The following GBP6 variants were observed in gnomAD, a reference collection of about 807,000 sequenced individuals.
The protein encoded by GBP6 is guanylate-binding protein 6.
Under a neutral mutation model 61.5 loss-of-function variants are expected in GBP6, and 54 were observed. The observed-to-expected ratio is 0.88, with a 90% CI of 0.71 to 1.10. The LOEUF is 1.10. Ranked by LOEUF, GBP6 falls within the 50% of genes least tolerant of loss-of-function variation. The pLI is 0.00. For missense variants in GBP6, 748 were observed against 752.8 expected (o/e 0.99, Z 0.07); for synonymous variants, 255 against 273.7 (o/e 0.93, Z 0.67).
intron 1 of GBP6, among the ~76,000 whole-genome samples, chr1:89,366,940 G>T (rs1158062404): frequency 6.6e-6 from 1 of 152,024 alleles, no homozygotes; most frequent in Admixed American, 6.6e-5. Flanking sequence ...ATTTCACTTG[G>T]CATAATGTCT....
chr1:89,376,554 C>T (rs972315), intron 3 of GBP6, among the ~76,000 whole-genome samples: 120,238 of 152,106 alleles, frequency 0.79, 47,662 homozygotes, highest in African/African-American at 0.86. Flanking sequence ...ATTGTCTAGT[C>T]TGTTCCATTG....
At chr1:89,381,604 G>A in intron 6 of GBP6, 90 bp from the exon 7 acceptor site, 9 of 1,320,282 alleles carry the variant, frequency 6.8e-6, no homozygotes, top group Non-Finnish European at 9.5e-6. Flanking sequence ...GCGCGTGTAT[G>A]TAAGTGCATG....
chr1:89,383,122 T>C (rs1226742300), intron 8 of GBP6, among the ~76,000 whole-genome samples: 1 of 152,114 alleles, frequency 6.6e-6, no homozygotes, highest in Non-Finnish European at 1.5e-5. Flanking sequence ...ATAGTAGTAA[T>C]AATACAACTA....
At position 89,378,174 on chromosome 1, in the gene GBP6, C is replaced by T; in HGVS notation, c.390C>T (p.Ser130=). 1 of 1,612,930 alleles carries T rather than the reference C, an allele frequency of 6.2e-7. No homozygotes were observed. The highest frequency in any genetic ancestry group is 8.5e-7 in the Non-Finnish European group (1 of 1,179,744). ...VLLCSTFVYN[S]MSTINHQALE... is the part of the protein sequence containing the mutation. Reference sequence around the variant, plus strand: ...TGTGCAGCACCTTTGTCTACAACAGCATGAGCACCATCAACCACCAGGCCC... The same window carrying T: ...TGTGCAGCACCTTTGTCTACAACAGTATGAGCACCATCAACCACCAGGCCC... The change falls in exon 4 of 11, where the codon AGC becomes AGT. Residue 130 remains serine, a synonymous_variant. Transcript: ENST00000370456.
rs1272230494 is a variant in GBP6 at position 89,387,319 on chromosome 1, T to C, written c.*1850T>C. 6.6e-6 allele frequency among the ~76,000 whole-genome samples: 1 copy of C among 152,170 alleles called. No individual in the cohort carries two copies. Among genetic ancestry groups the C allele is most frequent in the South Asian group, 2.1e-4 (1 of 4,828 alleles). On this transcript the variant is annotated 3_prime_UTR_variant, in exon 11 of 11. Coordinates refer to ENST00000370456, the MANE Select transcript of GBP6 (RefSeq NM_198460.3). ...ATGGTACCTAGATCATGGAGAGTCA[T>C]CGTAAAATGCCTGTTAAAATAGGGA...
At chr1:89,372,542 T>C (rs557134874) in intron 3 of GBP6, among the ~76,000 whole-genome samples, 19 of 152,180 alleles carry the variant, frequency 1.2e-4, no homozygotes, top group African/African-American at 4.3e-4. Flanking sequence ...TTGACAAACC[T>C]GACAAGAACA....
At chr1:89,384,029 C>T in intron 9 of GBP6, 64 bp from the exon 10 acceptor site, 1 of 1,455,796 alleles carries the variant, frequency 6.9e-7, no homozygotes, top group Non-Finnish European at 9.2e-7. Context: ...AGTCTCAGCT[C>T]AGAAAAGTGG....
intron 1 of GBP6, among the ~76,000 whole-genome samples, chr1:89,367,712 C>A (rs995159981): frequency 2.6e-5 from 4 of 152,024 alleles, no homozygotes; most frequent in African/African-American, 7.3e-5. Context: ...ATATCATACA[C>A]AAGAAATCAT....
At position 89,376,926 on chromosome 1, in the gene GBP6, ATAGTTTATTGTTTG is replaced by A. The variant is rs1403413575; in HGVS notation, c.319-1175_319-1162del. 1.1e-4 allele frequency among the ~76,000 whole-genome samples: 16 copies of A among 152,160 alleles called. 1 individual carries two copies. The highest frequency in any genetic ancestry group is 2.0e-4 in the Admixed American group (3 of 15,264). On this transcript the variant is annotated intron_variant, in intron 3 of 10. Transcript: ENST00000370456. ...CAAACAGTGATATACTCCTGTCTAAATAGTTTATTGTTTGTCACGAGTCCCACTTCTAAGAAGAA... is the reference window on the plus strand; with the variant it reads ...CAAACAGTGATATACTCCTGTCTAAATCACGAGTCCCACTTCTAAGAAGAA...
At position 89,385,240 on chromosome 1, in the gene GBP6, A is replaced by T. The variant is rs921377545; in HGVS notation, c.1673A>T (p.Asp558Val). The change falls in exon 11 of 11, where the codon GAT (aspartate) becomes GTT (valine). Residue 558 changes from aspartate to valine, a missense_variant. Physicochemically the swap from Asp to Val is radical, Grantham distance 152. Coordinates refer to ENST00000370456, the MANE Select transcript of GBP6 (RefSeq NM_198460.3). Reference protein sequence around the residue: ...MLEHTQKVQNDWLHEGFKKKY... With the variant: ...MLEHTQKVQNVWLHEGFKKKY... ...CTACATTGTCTTTAGGTCCAAAATG[A>T]TTGGCTTCATGAAGGATTTAAGAAG... The T allele has an allele frequency of 6.2e-7, 1 of 1,613,060 alleles. No individual in the cohort carries two copies. Among genetic ancestry groups the T allele is most frequent in the African/African-American group, 1.3e-5 (1 of 74,912 alleles).
chr1:89,382,101 T>C (rs959434845), intron 7 of GBP6, 127 bp downstream of exon 7: 13 of 983,784 alleles, frequency 1.3e-5, no homozygotes, highest in East Asian at 2.5e-5. Flanking sequence ...TCATGAGGGA[T>C]AGAGTTTCAA....
At position 89,368,570 on chromosome 1, in the gene GBP6, A is replaced by G; in HGVS notation, c.19A>G (p.Met7Val). The part of the protein sequence containing the change: MESGPK[M>V]LAPVCLVENN... The stretch of plus-strand genomic sequence containing the variant: ...AGTTGCCATGGAATCTGGACCCAAA[A>G]TGTTGGCCCCCGTTTGCCTGGTGGA... The change falls in exon 2 of 11, where the codon ATG becomes GTG. Residue 7 changes from methionine to valine, a missense_variant. Physicochemically the swap from Met to Val is conservative, Grantham distance 21. Transcript: ENST00000370456. 1.2e-6 allele frequency: 2 copies of G among 1,613,954 alleles called. No homozygotes were observed. Among genetic ancestry groups the G allele is most frequent in the African/African-American group, 2.7e-5 (2 of 75,046 alleles).
intron 3 of GBP6, 26 bp from the exon 4 acceptor site, chr1:89,378,077 G>T: frequency 1.3e-6 from 2 of 1,595,742 alleles, no homozygotes; most frequent in Non-Finnish European, 1.7e-6. Flanking sequence ...ACACTCCTAA[G>T]TCCTTTGCTC....
rs1184408695 is a variant in GBP6 at position 89,378,603 on chromosome 1, G to A, written c.615G>A (p.Lys205=). ...TEDEYLENAL[K]LIQGNNPRVQ... is the part of the protein sequence containing the mutation. ...ATGAATACCTGGAGAATGCCTTGAA[G>A]CTGATTCAAGGTATCAGAATGTGGC... The change falls in exon 5 of 11, where the codon AAG becomes AAA. Residue 205 remains lysine (K), a synonymous_variant. Transcript: ENST00000370456. 6.2e-7 allele frequency: 1 copy of A among 1,612,088 alleles called. No homozygotes were observed.
intron 3 of GBP6, among the ~76,000 whole-genome samples, chr1:89,373,146 A>G (rs1652693033): frequency 6.6e-6 from 1 of 152,236 alleles, no homozygotes. Flanking sequence ...AATGGTGATC[A>G]TTAAAAAGTC....
chr1:89,375,947 C>T (rs116299807), intron 3 of GBP6, among the ~76,000 whole-genome samples: 2,224 of 152,148 alleles, frequency 0.015, 61 homozygotes, highest in African/African-American at 0.051. Flanking sequence ...ATTTTCCAAC[C>T]TTCCTGTTCC....
intron 3 of GBP6, among the ~76,000 whole-genome samples, chr1:89,374,241 G>A (rs1358036959): frequency 1.3e-5 from 2 of 152,088 alleles, no homozygotes; most frequent in African/African-American, 4.8e-5. Flanking sequence ...CTAGAGCAAT[G>A]CACATACATG....
intron 6 of GBP6, among the ~76,000 whole-genome samples, chr1:89,381,266 C>CAAAA (rs769164915): frequency 7.8e-5 from 4 of 51,208 alleles, no homozygotes; most frequent in East Asian, 5.3e-4. Context: ...GCCTGGGCCT[C>CAAAA]AAAAAAAAAA....
chr1:89,373,104 A>G (rs1404259860), intron 3 of GBP6, among the ~76,000 whole-genome samples: 1 of 152,184 alleles, frequency 6.6e-6, no homozygotes, highest in Non-Finnish European at 1.5e-5. Flanking sequence ...GCAAATCAAA[A>G]CCACAATGAG....
Sources: allele counts gnomAD v4.1 joint callset (sites outside exome capture counted in the v4.1 genomes callset), GRCh38; gene constraint gnomAD v4.1.1; transcripts MANE v1.5; gene names NCBI Gene and HGNC (gene_info 2026-07-23, HGNC 2026-07-21).